Variants in SLC1A1 observed in about 807,000 individuals in gnomAD.
The protein encoded by SLC1A1 is solute carrier family 1 member 1, also known as excitatory amino acid transporter 3.
In SLC1A1, 43 loss-of-function variants were observed where a neutral mutation model predicts 53.3. The ratio of observed to expected loss-of-function variants is 0.81; its 90% CI spans 0.63 to 1.04. The LOEUF (loss-of-function observed/expected upper bound fraction) is 1.04. SLC1A1 is among the 50% of genes least tolerant of loss of function. The probability of loss-of-function intolerance (pLI) is 0.00; values close to 1 mark genes in which losing one functional copy is unlikely to be tolerated. For missense variants in SLC1A1, 748 were observed against 664.9 expected (o/e 1.12, Z -1.37); for synonymous variants, 307 against 243.2 (o/e 1.26, Z -2.44).
chr9:4,539,724 A>G (rs1816843862), intron 1 of SLC1A1, among the ~76,000 whole-genome samples: 1 of 152,042 alleles, frequency 6.6e-6, no homozygotes. Context: ...GGTACACACC[A>G]CCAAGCCTGG....
intron 7 of SLC1A1, 48 bp from the exon 8 acceptor site, chr9:4,573,859 G>C: frequency 2.3e-6 from 3 of 1,320,276 alleles, no homozygotes; most frequent in Non-Finnish European, 3.3e-6. Flanking sequence ...CCTAGCATGA[G>C]AAAGCACTTG....
At position 4,560,517 on chromosome 9, in the gene SLC1A1, G is replaced by T. The variant is rs145705203; in HGVS notation, c.233-932G>T. On this transcript the variant is annotated intron_variant, in intron 2 of 11. Coordinates refer to ENST00000262352, the MANE Select transcript of SLC1A1 (RefSeq NM_004170.6). ...AAATCACCAGAATATTAACTTGGTT[G>T]ATGAGATGATGTGATTTTTGTTGTC... 1.4e-3 allele frequency among the ~76,000 whole-genome samples: 215 copies of T among 152,292 alleles called. 2 individuals are homozygous for T. The highest frequency in any genetic ancestry group is 2.6e-3 in the Non-Finnish European group (178 of 68,026).
intron 1 of SLC1A1, among the ~76,000 whole-genome samples, chr9:4,503,515 G>A (rs1283028391): frequency 1.3e-5 from 2 of 151,802 alleles, no homozygotes; most frequent in African/African-American, 4.9e-5. Context: ...CTTCAAAGAA[G>A]GTGCAACTGG....
intron 1 of SLC1A1, among the ~76,000 whole-genome samples, chr9:4,499,301 T>C (rs1344246165): frequency 6.6e-6 from 1 of 152,044 alleles, no homozygotes; most frequent in African/African-American, 2.4e-5. Flanking sequence ...CACGTTGGCC[T>C]CCCAAAGTGC....
intron 10 of SLC1A1, among the ~76,000 whole-genome samples, chr9:4,580,878 C>T (rs879716514): frequency 2.6e-5 from 4 of 151,958 alleles, no homozygotes; most frequent in African/African-American, 4.8e-5. Context: ...AGAAATGGCA[C>T]GTTTTTAATC....
intron 1 of SLC1A1, among the ~76,000 whole-genome samples, chr9:4,498,422 C>T (rs1188142064): frequency 1.3e-5 from 2 of 151,956 alleles, no homozygotes; most frequent in African/African-American, 4.8e-5. Context: ...GCAAAGTACA[C>T]AATACTCCAA....
chr9:4,528,513 T>G (rs913491706), intron 1 of SLC1A1, among the ~76,000 whole-genome samples: 5 of 151,910 alleles, frequency 3.3e-5, no homozygotes, highest in African/African-American at 1.2e-4. Context: ...GAGGCGGAGG[T>G]TGCAGTGAGC....
At position 4,572,207 on chromosome 9, in the gene SLC1A1, A is replaced by G; in HGVS notation, c.586A>G (p.Lys196Glu). 1 of 1,612,782 alleles carries G rather than the reference A, an allele frequency of 6.2e-7. No individual in the cohort carries two copies. The highest frequency in any genetic ancestry group is 8.5e-7 in the Non-Finnish European group (1 of 1,178,756). ...AVMTTAISKN[K>E]TKEYKIVGMY... ...TTTTCTTGGTTTTGATCCACAGAAC[A>G]AAACAAAGGAATACAAAATTGTTGG... Residue 196 changes from lysine to glutamate, a missense_variant, in exon 7 of 12, where the codon AAA (lysine) becomes GAA (glutamate). Physicochemically the swap from Lys to Glu is moderately conservative, Grantham distance 56. Transcript: ENST00000262352.
chr9:4,520,226 C>T (rs1459957071), intron 1 of SLC1A1, among the ~76,000 whole-genome samples: 1 of 152,154 alleles, frequency 6.6e-6, no homozygotes, highest in East Asian at 1.9e-4. Flanking sequence ...TCACACACAT[C>T]CTGCCAAGTG....
intron 1 of SLC1A1, among the ~76,000 whole-genome samples, chr9:4,523,887 A>T (rs1371502557): frequency 6.6e-6 from 1 of 152,250 alleles, no homozygotes; most frequent in Non-Finnish European, 1.5e-5. Context: ...CCAAGATAAC[A>T]CAGCTAATAA....
At chr9:4,505,695 T>A (rs770242825) in intron 1 of SLC1A1, among the ~76,000 whole-genome samples, 24 of 152,068 alleles carry the variant, frequency 1.6e-4, no homozygotes, top group Non-Finnish European at 1.0e-4. Flanking sequence ...CTCACACTGT[T>A]ACCCAGGCTG....
In SLC1A1 at chr9:4,549,272, C is replaced by T. The variant is rs181542828; in HGVS notation, c.232+4565C>T. On this transcript the variant is annotated intron_variant, in intron 2 of 11. Transcript: ENST00000262352. The surrounding 1 kb of genome is among the most constrained non-coding windows in gnomAD (Gnocchi z 4.1). Reference sequence around the variant, plus strand: ...CCTGGGCCAGAAGCACTCCAGTGGGCACAGCTGCGCCTCCTGGTGTCTGCT... The same window carrying T: ...CCTGGGCCAGAAGCACTCCAGTGGGTACAGCTGCGCCTCCTGGTGTCTGCT... Among the ~76,000 whole-genome samples the T allele has an allele frequency of 1.1e-3, 175 of 152,310 alleles. 4 individuals are homozygous for T. The highest frequency in any genetic ancestry group is 0.01 in the Admixed American group (157 of 15,296).
chr9:4,541,210 C>A, intron 1 of SLC1A1, among the ~76,000 whole-genome samples: 1 of 152,196 alleles, frequency 6.6e-6, no homozygotes, highest in East Asian at 1.9e-4. Context: ...TCAAAAGGAT[C>A]AGAATCCAGT....
intron 2 of SLC1A1, among the ~76,000 whole-genome samples, chr9:4,547,100 C>T (rs1022517400): frequency 5.3e-5 from 8 of 152,204 alleles, no homozygotes; most frequent in African/African-American, 1.2e-4. Context: ...ATACATGCCA[C>T]TCTTGACAGT....
In SLC1A1 at chr9:4,532,225, G is replaced by A. The variant is rs561316379; in HGVS notation, c.92-12342G>A. Among the ~76,000 whole-genome samples the A allele has an allele frequency of 3.3e-5, 5 of 152,250 alleles. 1 individual carries two copies. Among genetic ancestry groups the A allele is most frequent in the Admixed American group, 6.5e-5 (1 of 15,292 alleles). On this transcript the variant is annotated intron_variant, in intron 1 of 11. Transcript: ENST00000262352. ...GAGGGAGAATGAGAATGACGTTGAC[G>A]AGTTGAGAGAAGAAGGCTTCAGATG... is the stretch of plus-strand genomic sequence containing the variant.
chr9:4,549,515 C>T lies in SLC1A1; in HGVS notation c.232+4808C>T, dbSNP rs1246748329. 6.6e-6 allele frequency among the ~76,000 whole-genome samples: 1 copy of T among 152,202 alleles called. No individual in the cohort carries two copies. Among genetic ancestry groups the T allele is most frequent in the East Asian group, 1.9e-4 (1 of 5,186 alleles). On this transcript the variant is annotated intron_variant, in intron 2 of 11. Coordinates refer to ENST00000262352, the MANE Select transcript of SLC1A1 (RefSeq NM_004170.6). The surrounding 1 kb of genome is among the most constrained non-coding windows in gnomAD (Gnocchi z 4.1). ...AGGGCCTCTTAACAGGGATGCCCCT[C>T]TGCTTAGCTGCTTGCCTCCAGGAGG...
intron 10 of SLC1A1, among the ~76,000 whole-genome samples, chr9:4,578,621 C>A (rs1820783032): frequency 6.6e-6 from 1 of 152,156 alleles, no homozygotes; most frequent in South Asian, 2.1e-4. Context: ...GTGAAATGGT[C>A]CACAGAGTCA....
intron 2 of SLC1A1, among the ~76,000 whole-genome samples, chr9:4,546,347 ATTTG>A (rs1159862164): frequency 3.3e-5 from 5 of 152,250 alleles, no homozygotes; most frequent in South Asian, 2.1e-4. Context: ...CCCATGTAAT[ATTTG>A]TTTATTTGTT....
intron 1 of SLC1A1, among the ~76,000 whole-genome samples, chr9:4,535,635 A>T (rs1816646927): frequency 6.6e-6 from 1 of 152,204 alleles, no homozygotes; most frequent in South Asian, 2.1e-4. Flanking sequence ...CATACTGCCC[A>T]AGGTAATTTA....
Sources: gnomAD v4.1 joint callset for allele counts (sites outside exome capture counted in the v4.1 genomes callset) on GRCh38, gnomAD v4.1.1 for gene constraint, Gnocchi (gnomAD v3.1) non-coding constraint, MANE v1.5 for transcripts, NCBI Gene and HGNC (gene_info 2026-07-23, HGNC 2026-07-21) for gene names.